The following USH2A variants were observed in gnomAD, a reference collection of about 807,000 sequenced individuals.
USH2A encodes Usher syndrome 2A (autosomal recessive, mild).
In USH2A, 443 loss-of-function variants were observed where a neutral mutation model predicts 538.9. The ratio of observed to expected loss-of-function variants is 0.82; its 90% CI spans 0.76 to 0.89. The LOEUF is 0.89. Among genes scored for constraint, USH2A ranks in the 40% least tolerant of loss-of-function variants. USH2A has a pLI of 0.00. For synonymous variants in USH2A, 2,413 were observed against 2,273.5 expected (o/e 1.06, Z -1.75); for missense variants, 6,633 against 6,324.8 (o/e 1.05, Z -1.65).
At chr1:216,415,918 A>G (rs2039570663) in intron 3 of USH2A, among the ~76,000 whole-genome samples, 1 of 152,066 alleles carries the variant, frequency 6.6e-6, no homozygotes, top group Admixed American at 6.6e-5. Context: ...TAATACCATC[A>G]CTTTGGGAGG....
intron 35 of USH2A, among the ~76,000 whole-genome samples, chr1:215,974,736 A>C (rs12401930): frequency 0.098 from 14,956 of 151,962 alleles, 788 homozygotes; most frequent in Admixed American, 0.13. Context: ...CATTCAACCC[A>C]CTGTTGATGG....
At chr1:216,043,705 G>C (rs1334831627) in intron 32 of USH2A, among the ~76,000 whole-genome samples, 2 of 152,000 alleles carry the variant, frequency 1.3e-5, no homozygotes, top group Non-Finnish European at 1.5e-5. Context: ...AAATTGATGT[G>C]AATTCTTCCT....
intron 64 of USH2A, among the ~76,000 whole-genome samples, chr1:215,665,775 T>TA (rs1335195400): frequency 1.3e-5 from 2 of 152,128 alleles, no homozygotes; most frequent in Non-Finnish European, 2.9e-5. Flanking sequence ...TTATTGTCTT[T>TA]AAAAAAATCT....
At chr1:216,127,758 C>G (rs146072616) in intron 21 of USH2A, among the ~76,000 whole-genome samples, 11 of 152,168 alleles carry the variant, frequency 7.2e-5, no homozygotes, top group African/African-American at 2.7e-4. Flanking sequence ...AAATTAAATG[C>G]TGTTGTAGCA....
intron 37 of USH2A, among the ~76,000 whole-genome samples, chr1:215,952,114 T>C (rs1175878812): frequency 5.9e-5 from 9 of 152,138 alleles, no homozygotes; most frequent in Admixed American, 2.0e-4. Flanking sequence ...TCCACCCGCC[T>C]CGGCCTCCCA....
At chr1:215,771,103 G>A (rs112821412) in intron 55 of USH2A, among the ~76,000 whole-genome samples, 1,905 of 151,246 alleles carry the variant, frequency 0.013, 40 homozygotes, top group African/African-American at 0.044. Context: ...CTCCAGCCTG[G>A]GTGACATAGT....
intron 4 of USH2A, among the ~76,000 whole-genome samples, chr1:216,338,966 T>C (rs1038631608): frequency 1.4e-4 from 21 of 151,638 alleles, no homozygotes; most frequent in Admixed American, 1.4e-3. Context: ...TTTGGCGATA[T>C]ATCAAAATGG....
intron 4 of USH2A, among the ~76,000 whole-genome samples, chr1:216,338,118 A>G (rs772918406): frequency 2.8e-4 from 43 of 151,530 alleles, no homozygotes; most frequent in Non-Finnish European, 5.9e-4. Context: ...ATTCAATTCC[A>G]ATAAAAAATC....
intron 30 of USH2A, among the ~76,000 whole-genome samples, chr1:216,063,949 T>C (rs2031264837): frequency 6.6e-6 from 1 of 152,190 alleles, no homozygotes; most frequent in Non-Finnish European, 1.5e-5. Flanking sequence ...TTACAAAAGA[T>C]TAATCAAAAC....
intron 14 of USH2A, among the ~76,000 whole-genome samples, chr1:216,231,247 TATTA>T (rs2035676391): frequency 1.4e-5 from 1 of 70,240 alleles, no homozygotes; most frequent in African/African-American, 5.0e-5. Flanking sequence ...TATATATATA[TATTA>T]TATATATAAT....
At chr1:215,795,652 T>A (rs1662104578) in intron 50 of USH2A, among the ~76,000 whole-genome samples, 1 of 152,188 alleles carries the variant, frequency 6.6e-6, no homozygotes, top group Non-Finnish European at 1.5e-5. Context: ...GGTAACACTT[T>A]TGCACCCTCC....
rs1655968680 is a variant in USH2A at position 215,625,118 on chromosome 1, G to A, written c.*663C>T. On this transcript the variant is annotated 3_prime_UTR_variant, in exon 72 of 72. Coordinates refer to ENST00000307340, the MANE Select transcript of USH2A (RefSeq NM_206933.4). ...ATTTTTGGAAAATTCATAAATGCAA[G>A]AACAGAGACATTTATGTGTAAGTTA... 6.6e-6 allele frequency: 1 copy of A among 152,394 alleles called. No individual in the cohort carries two copies. Among genetic ancestry groups the A allele is most frequent in the African/African-American group, 2.4e-5 (1 of 41,424 alleles). The allele number at this position is 152,394 out of a possible 1,614,324, so 9.4% of individuals were successfully genotyped here. A position where few individuals can be genotyped will look rare whatever the true frequency, so the allele number is the denominator to read the frequency against.
At chr1:216,320,273 C>G (rs1252495164) in intron 9 of USH2A, among the ~76,000 whole-genome samples, 1 of 152,038 alleles carries the variant, frequency 6.6e-6, no homozygotes, top group Non-Finnish European at 1.5e-5. Context: ...GCTTTGCCTT[C>G]TGCCATGATT....
At chr1:215,664,561 A>G (rs17619240) in intron 64 of USH2A, among the ~76,000 whole-genome samples, 3,514 of 152,350 alleles carry the variant, frequency 0.023, 65 homozygotes, top group South Asian at 0.037. Flanking sequence ...CTTTCTAAAA[A>G]TTATATACCT....
intron 35 of USH2A, among the ~76,000 whole-genome samples, chr1:215,991,103 A>T (rs1427665107): frequency 6.6e-6 from 1 of 152,148 alleles, no homozygotes; most frequent in Non-Finnish European, 1.5e-5. Context: ...GGGTCCATGG[A>T]AGTTAATGAA....
intron 55 of USH2A, among the ~76,000 whole-genome samples, chr1:215,772,940 CG>C (rs1661336454): frequency 1.3e-5 from 2 of 152,146 alleles, no homozygotes; most frequent in South Asian, 2.1e-4. Context: ...AACCATCCTG[CG>C]GGTAAGTCAT....
intron 14 of USH2A, 130 bp downstream of exon 14, chr1:216,231,823 G>T: frequency 1.8e-6 from 2 of 1,084,310 alleles, no homozygotes; most frequent in Non-Finnish European, 2.8e-6. Flanking sequence ...AAAGTGCTGG[G>T]ATTACAGGTG....
At chr1:215,957,941 TACTG>T (rs1405606037) in intron 37 of USH2A, among the ~76,000 whole-genome samples, 12 of 152,152 alleles carry the variant, frequency 7.9e-5, no homozygotes, top group Admixed American at 4.6e-4. Context: ...GTGTCAGATA[TACTG>T]CATGGGTTGC....
chr1:216,299,245 G>C (rs926948572), intron 9 of USH2A, among the ~76,000 whole-genome samples: 1 of 151,172 alleles, frequency 6.6e-6, no homozygotes, highest in Admixed American at 6.6e-5. Flanking sequence ...AAAAGCAAGA[G>C]AGTGGTTTAA....
Sources: gnomAD v4.1 joint callset for allele counts (sites outside exome capture counted in the v4.1 genomes callset) on GRCh38, gnomAD v4.1.1 for gene constraint, MANE v1.5 for transcripts, NCBI Gene and HGNC (gene_info 2026-07-23, HGNC 2026-07-21) for gene names.